Variants in OLFM3 observed in about 807,000 individuals in gnomAD.
The protein encoded by OLFM3 is olfactomedin 3.
In OLFM3, 20 loss-of-function variants were observed where a neutral mutation model predicts 48.6. That is an observed-to-expected ratio of 0.41 (90% CI 0.29 to 0.60). The LOEUF (loss-of-function observed/expected upper bound fraction) is 0.60. OLFM3 is among the 20% of genes least tolerant of loss of function. The pLI is 0.28. For synonymous variants in OLFM3, 222 were observed against 198.1 expected, an observed-to-expected ratio of 1.12 and a Z score of -1.01; for missense variants, 437 against 544.3, an observed-to-expected ratio of 0.80 and a Z score of 1.96.
chr1:101,967,572 A>G (rs1312426314), intron 1 of OLFM3, among the ~76,000 whole-genome samples: 1 of 124,280 alleles, frequency 8.0e-6, no homozygotes, highest in Non-Finnish European at 1.6e-5. Flanking sequence ...CTGCCTTTTT[A>G]CTTCCATCCT....
intron 1 of OLFM3, among the ~76,000 whole-genome samples, chr1:101,962,328 T>C (rs893738992): frequency 6.6e-6 from 1 of 152,108 alleles, no homozygotes; most frequent in African/African-American, 2.4e-5. Flanking sequence ...GGGATGTTGA[T>C]GAGATTAATT....
chr1:101,854,056 G>A (rs886781846), intron 1 of OLFM3, among the ~76,000 whole-genome samples: 3 of 151,936 alleles, frequency 2.0e-5, no homozygotes, highest in Admixed American at 2.0e-4. Context: ...GGGACGTATG[G>A]TATGTAGAGA....
chr1:101,959,915 C>T (rs574705802), intron 1 of OLFM3, among the ~76,000 whole-genome samples: 7 of 152,140 alleles, frequency 4.6e-5, no homozygotes, highest in Admixed American at 2.0e-4. Flanking sequence ...ATACTGACCC[C>T]TAATTATCAG....
At chr1:101,882,331 A>ATATAT (rs1491099849) in intron 1 of OLFM3, among the ~76,000 whole-genome samples, 3 of 107,404 alleles carry the variant, frequency 2.8e-5, no homozygotes, top group African/African-American at 9.0e-5. Context: ...ATATATATAT[A>ATATAT]ATATATATAT....
intron 1 of OLFM3, among the ~76,000 whole-genome samples, chr1:101,844,221 C>G (rs1015005076): frequency 6.6e-6 from 1 of 152,016 alleles, no homozygotes. Context: ...TTTTTTTCTT[C>G]TTTATAAATG....
chr1:101,915,523 C>T (rs1006629392), intron 1 of OLFM3, among the ~76,000 whole-genome samples: 4 of 152,072 alleles, frequency 2.6e-5, no homozygotes, highest in African/African-American at 9.7e-5. Flanking sequence ...TGAAATTAAA[C>T]ATAATGATAA....
chr1:101,892,392 T>C (rs1658035085), intron 1 of OLFM3, among the ~76,000 whole-genome samples: 1 of 140,350 alleles, frequency 7.1e-6, no homozygotes, highest in Admixed American at 7.0e-5. Context: ...TATAGAAGCT[T>C]ATGAGCAGCA....
At chr1:101,883,257 A>G (rs371862421) in intron 1 of OLFM3, among the ~76,000 whole-genome samples, 2 of 150,776 alleles carry the variant, frequency 1.3e-5, no homozygotes, top group Admixed American at 1.3e-4. Context: ...TCAAACCTGA[A>G]TATTTGTCTG....
Position 101,848,238 on chromosome 1 carries a change from G to C in OLFM3, c.70-11213C>G, listed in dbSNP as rs1391228247. Among the ~76,000 whole-genome samples, 17 of 152,106 alleles carry C rather than the reference G, an allele frequency of 1.1e-4. 1 individual carries two copies. The highest frequency in any genetic ancestry group is 1.1e-3 in the Admixed American group (17 of 15,264). ...AAATATGGATGAATGAAAATTAAATGAAAAGAAATTGGTTACAAAAAGGAA... is the reference window on the plus strand; with the variant it reads ...AAATATGGATGAATGAAAATTAAATCAAAAGAAATTGGTTACAAAAAGGAA... On this transcript the variant is annotated intron_variant, in intron 1 of 5. Transcript: ENST00000370103.
intron 1 of OLFM3, among the ~76,000 whole-genome samples, chr1:101,912,547 A>G (rs1023814202): frequency 1.3e-5 from 2 of 152,222 alleles, no homozygotes; most frequent in African/African-American, 4.8e-5. Context: ...AATGAAGAAC[A>G]TGAGGTTTGA....
intron 1 of OLFM3, among the ~76,000 whole-genome samples, chr1:101,841,238 G>A (rs142475200): frequency 2.0e-5 from 3 of 152,104 alleles, no homozygotes; most frequent in Admixed American, 1.3e-4. Flanking sequence ...TAAAATCCCT[G>A]CTATTGTTTT....
rs150459640 is a variant in OLFM3, at chr1:101,981,914, G to A, written c.69+14834C>T. On this transcript the variant is annotated intron_variant, in intron 1 of 5. Transcript: ENST00000370103. ...AAGAAGGAATAAAGGAAGGAAGCAG[G>A]AAAGGGAAGAAGGAAGGAAAGAAAT... Among the ~76,000 whole-genome samples the A allele has an allele frequency of 5.8e-3, 879 of 152,220 alleles. 2 individuals are homozygous for A. The highest frequency in any genetic ancestry group is 9.2e-3 in the Non-Finnish European group (623 of 68,008).
At chr1:101,855,362 T>C (rs1356917760) in intron 1 of OLFM3, among the ~76,000 whole-genome samples, 4 of 152,018 alleles carry the variant, frequency 2.6e-5, no homozygotes, top group Non-Finnish European at 5.9e-5. Flanking sequence ...ACACAGCTAA[T>C]AAATGACAGG....
chr1:101,837,074 A>T (rs1447219735), intron 1 of OLFM3, 49 bp from the exon 2 acceptor site: 1 of 1,549,642 alleles, frequency 6.5e-7, no homozygotes, highest in Non-Finnish European at 8.8e-7. Context: ...GTTATAGGAT[A>T]AAAAGAGTGT....
intron 1 of OLFM3, among the ~76,000 whole-genome samples, chr1:101,978,484 G>A (rs554353200): frequency 6.6e-6 from 1 of 152,194 alleles, no homozygotes; most frequent in East Asian, 1.9e-4. Flanking sequence ...TTAAGAATCT[G>A]TTTAAGACAA....
intron 4 of OLFM3, among the ~76,000 whole-genome samples, chr1:101,822,943 C>G (rs1168919137): frequency 6.6e-6 from 1 of 151,948 alleles, no homozygotes; most frequent in African/African-American, 2.4e-5. Context: ...TCTTATCATG[C>G]CCTGCCATTT....
chr1:101,827,847 G>A (rs1044645188), intron 3 of OLFM3, among the ~76,000 whole-genome samples: 1 of 152,106 alleles, frequency 6.6e-6, no homozygotes, highest in Non-Finnish European at 1.5e-5. Flanking sequence ...TTGGCTCTGT[G>A]TCCCCACCTA....
At chr1:101,890,715 C>T (rs912124656) in intron 1 of OLFM3, among the ~76,000 whole-genome samples, 20 of 151,820 alleles carry the variant, frequency 1.3e-4, no homozygotes, top group Non-Finnish European at 1.6e-4. Flanking sequence ...CAAACAAAAA[C>T]GACTCCATGA....
At chr1:101,864,199 T>C (rs72729678) in intron 1 of OLFM3, among the ~76,000 whole-genome samples, 1 of 152,240 alleles carries the variant, frequency 6.6e-6, no homozygotes, top group Non-Finnish European at 1.5e-5. Flanking sequence ...TCATATCCTT[T>C]TTTTTTTTCC....
Sources: gnomAD v4.1 joint callset for allele counts (sites outside exome capture counted in the v4.1 genomes callset) on GRCh38, gnomAD v4.1.1 for gene constraint, MANE v1.5 for transcripts, NCBI Gene and HGNC (gene_info 2026-07-23, HGNC 2026-07-21) for gene names.